The following COLGALT1 variants were observed in gnomAD, a reference collection of about 807,000 sequenced individuals.
The protein encoded by COLGALT1 is procollagen galactosyltransferase 1.
COLGALT1 carries 43 observed loss-of-function variants against 60.8 expected under a neutral mutation model. The ratio of observed to expected loss-of-function variants is 0.71; its 90% CI spans 0.55 to 0.91. COLGALT1 has a LOEUF of 0.91. Among genes scored for constraint, COLGALT1 ranks in the 40% least tolerant of loss-of-function variants. COLGALT1 has a pLI of 0.00. For synonymous variants in COLGALT1, 369 were observed against 374.2 expected (o/e 0.99, Z 0.16); for missense variants, 845 against 880.0 (o/e 0.96, Z 0.50).
chr19:17,561,136 C>T (rs1233394889), intron 3 of COLGALT1, among the ~76,000 whole-genome samples: 1 of 151,304 alleles, frequency 6.6e-6, no homozygotes, highest in Non-Finnish European at 1.5e-5. Context: ...ACCTAGGAGG[C>T]AGAGGTTGCA....
At chr19:17,575,667 CTG>C (rs1038559754) in intron 6 of COLGALT1, among the ~76,000 whole-genome samples, 5 of 151,930 alleles carry the variant, frequency 3.3e-5, no homozygotes, top group Non-Finnish European at 5.9e-5. Flanking sequence ...GCATGAACCA[CTG>C]TGCCCGGCCT....
In COLGALT1 at chr19:17,577,671, G is replaced by A. The variant is rs151173878; in HGVS notation, c.1133+204G>A. Among the ~76,000 whole-genome samples the A allele has an allele frequency of 4.6e-5, 7 of 152,292 alleles. No homozygotes were observed. The East Asian group carries it at 1.3e-3, about 29-fold the overall frequency. On this transcript the variant is annotated intron_variant, in intron 8 of 11. Transcript: ENST00000252599. ...CACAGTTGTAGACCATGGAAGGCAA[G>A]TGAGTCCTGACCCAGGGGAATGGGT...
Position 17,555,914 on chromosome 19 carries a change from G to A in COLGALT1, c.201G>A (p.Leu67=). 1 of 1,399,264 alleles carries A rather than the reference G, an allele frequency of 7.1e-7. No individual in the cohort carries two copies. Among genetic ancestry groups the A allele is most frequent in the Non-Finnish European group, 9.3e-7 (1 of 1,076,264 alleles). The allele number at this position is 1,399,264 out of a possible 1,614,324, so 86.7% of individuals were successfully genotyped here. A position where few individuals can be genotyped will look rare whatever the true frequency, so the allele number is the denominator to read the frequency against. ...ALLARNAAHA[L]PTTLGALERL... is the part of the protein sequence containing the mutation. Reference sequence around the variant, plus strand: ...TGGCGCGAAACGCGGCCCACGCGTTGCCCACCACGCTGGGCGCACTCGAGC... The same window carrying A: ...TGGCGCGAAACGCGGCCCACGCGTTACCCACCACGCTGGGCGCACTCGAGC... Residue 67 remains leucine, a synonymous_variant, in exon 1 of 12, where the codon TTG becomes TTA. Transcript: ENST00000252599.
Position 17,577,286 on chromosome 19 carries a change from C to A in COLGALT1, c.1026+15C>A. ...GCTTCGACGAGGTGAGCTGGGCCTTCCCTGGAGGCGGGGCGGGGGCTGGAG... is the reference window on the plus strand; with the variant it reads ...GCTTCGACGAGGTGAGCTGGGCCTTACCTGGAGGCGGGGCGGGGGCTGGAG... On this transcript the variant is annotated intron_variant, in intron 7 of 11. Coordinates refer to ENST00000252599, the MANE Select transcript of COLGALT1 (RefSeq NM_024656.4). The A allele has an allele frequency of 6.2e-7, 1 of 1,612,274 alleles. No homozygotes were observed. The highest frequency in any genetic ancestry group is 2.2e-5 in the East Asian group (1 of 44,808).
rs548933539 is a variant in COLGALT1, at chr19:17,568,738, C to T, written c.829+25C>T. The T allele has an allele frequency of 1.2e-4, 198 of 1,611,230 alleles. 1 individual carries two copies. The East Asian group carries it at 3.4e-3, about 28-fold the overall frequency. On this transcript the variant is annotated intron_variant, in intron 5 of 11. Transcript: ENST00000252599. ...GGTACGTACATGAGGGGTCTGCCATCGCAGGGGCATCTGCCTGGTTCTTTG... is the reference window on the plus strand; with the variant it reads ...GGTACGTACATGAGGGGTCTGCCATTGCAGGGGCATCTGCCTGGTTCTTTG...
chr19:17,556,515 A>C, intron 1 of COLGALT1: 5 of 985,684 alleles, frequency 5.1e-6, no homozygotes, highest in Non-Finnish European at 6.0e-6. Context: ...GTCCAGGACC[A>C]GATGGCCCAG....
chr19:17,560,690 C>G (rs755641087), intron 3 of COLGALT1, among the ~76,000 whole-genome samples: 7 of 151,966 alleles, frequency 4.6e-5, no homozygotes, highest in Non-Finnish European at 1.0e-4. Context: ...CTTTTCTGTC[C>G]CCAGTTGTCC....
At chr19:17,577,110 A>G (rs1804144309) in intron 6 of COLGALT1, 85 bp from the exon 7 acceptor site, 2 of 1,356,374 alleles carry the variant, frequency 1.5e-6, no homozygotes, top group Non-Finnish European at 2.1e-6. Flanking sequence ...TCTGACTGGG[A>G]GCCATGGAGT....
At chr19:17,559,480 C>T (rs1042077515) in intron 2 of COLGALT1, 59 bp downstream of exon 2, 19 of 1,308,120 alleles carry the variant, frequency 1.5e-5, no homozygotes, top group Non-Finnish European at 1.8e-5. Flanking sequence ...CACACACCCT[C>T]TATGGCTCCC....
At chr19:17,568,756 G>A in intron 5 of COLGALT1, 43 bp downstream of exon 5, 1 of 1,602,802 alleles carries the variant, frequency 6.2e-7, no homozygotes, top group African/African-American at 1.3e-5. Flanking sequence ...CATCTGCCTG[G>A]TTCTTTGGGT....
intron 4 of COLGALT1, among the ~76,000 whole-genome samples, 182 bp downstream of exon 4, chr19:17,567,722 T>C (rs1372035026): frequency 2.0e-5 from 3 of 151,766 alleles, no homozygotes; most frequent in Admixed American, 2.0e-4. Flanking sequence ...GCGGGTTGCC[T>C]GAGCTCAGGA....
intron 9 of COLGALT1, 63 bp downstream of exon 9, chr19:17,578,152 G>C (rs774999477): frequency 4.1e-6 from 6 of 1,469,220 alleles, no homozygotes; most frequent in Admixed American, 4.3e-5. Flanking sequence ...AGATTTGGAC[G>C]GGAAAGGGGT....
In COLGALT1 at chr19:17,561,953, C is replaced by G. The variant is rs2076252240; in HGVS notation, c.489+1488C>G. On this transcript the variant is annotated intron_variant, in intron 3 of 11. Coordinates refer to ENST00000252599, the MANE Select transcript of COLGALT1 (RefSeq NM_024656.4). ...TGGCACAATCTCGGCTCACTGCAGC[C>G]TCCTCCTCCTGGGTTCAAGCAATTC... 3.3e-5 allele frequency among the ~76,000 whole-genome samples: 5 copies of G among 152,154 alleles called. No individual in the cohort carries two copies. The South Asian group carries it at 1.0e-3, about 32-fold the overall frequency.
chr19:17,567,413 A>T lies in COLGALT1; in HGVS notation c.497A>T (p.Asp166Val). The T allele has an allele frequency of 5.0e-6, 8 of 1,613,710 alleles. No homozygotes were observed. Among genetic ancestry groups the T allele is most frequent in the Non-Finnish European group, 6.8e-6 (8 of 1,179,760 alleles). Reference sequence around the variant, plus strand: ...TTGTGGGGTGTTCTGCAGTTTGTAGATGCGGACAACCTGATCCTCAACCCT... The same window carrying T: ...TTGTGGGGTGTTCTGCAGTTTGTAGTTGCGGACAACCTGATCCTCAACCCT... ...DMWADYILFV[D>V]ADNLILNPDT... The change falls in exon 4 of 12, where the codon GAT becomes GTT. Residue 166 changes from aspartate to valine, a missense_variant. By Grantham distance (152) the Asp-to-Val change is radical (BLOSUM62 -3). Coordinates refer to ENST00000252599, the MANE Select transcript of COLGALT1 (RefSeq NM_024656.4).
chr19:17,560,285 T>G, intron 2 of COLGALT1, 63 bp from the exon 3 acceptor site: 1 of 1,386,976 alleles, frequency 7.2e-7, no homozygotes, highest in Admixed American at 1.7e-5. Context: ...CGAAGGCAGC[T>G]CAGGCCCTCG....
chr19:17,567,490 C>G lies in COLGALT1; in HGVS notation c.574C>G (p.Leu192Val). The G allele has an allele frequency of 6.2e-7, 1 of 1,614,026 alleles. No homozygotes were observed. Reference sequence around the variant, plus strand: ...GAACAAGACGGTGGTCGCCCCCATGCTGGATTCCCGGGCTGCGTACTCCAA... The same window carrying G: ...GAACAAGACGGTGGTCGCCCCCATGGTGGATTCCCGGGCTGCGTACTCCAA... ...AENKTVVAPM[L>V]DSRAAYSNFW... Residue 192 changes from leucine (L) to valine (V), a missense_variant, in exon 4 of 12, where the codon CTG (leucine) becomes GTG (valine). Transcript: ENST00000252599.
chr19:17,557,042 T>C (rs947094646), intron 1 of COLGALT1, among the ~76,000 whole-genome samples: 6 of 152,252 alleles, frequency 3.9e-5, no homozygotes, highest in Non-Finnish European at 5.9e-5. Flanking sequence ...AGTGATTTTA[T>C]TATCATGATT....
rs149223760 is a variant in COLGALT1 at position 17,580,743 on chromosome 19, C to T, written c.1439C>T (p.Ala480Val). 2.6e-5 allele frequency: 42 copies of T among 1,613,952 alleles called. No homozygotes were observed. Among genetic ancestry groups the T allele is most frequent in the Non-Finnish European group, 3.5e-5 (41 of 1,180,028 alleles). Residue 480 changes from alanine (A) to valine (V), a missense_variant, in exon 11 of 12, where the codon GCT (alanine) becomes GTT (valine). Transcript: ENST00000252599. ...KRMQVEHPEK[A>V]VPRVRNLVEA... ...ATGCAGGTGGAGCACCCCGAGAAGGCTGTGCCTCGCGTGAGGAACCTGGTG... is the reference window on the plus strand; with the variant it reads ...ATGCAGGTGGAGCACCCCGAGAAGGTTGTGCCTCGCGTGAGGAACCTGGTG...
In COLGALT1 at chr19:17,581,297, A is replaced by G. The variant is rs2076380536; in HGVS notation, c.1722A>G (p.Ser574=). Residue 574 remains serine, a synonymous_variant, in exon 12 of 12, where the codon TCA becomes TCG. Coordinates refer to ENST00000252599, the MANE Select transcript of COLGALT1 (RefSeq NM_024656.4). ...DDGYVSDTET[S]VVWNNEHVKT... ...GCTATGTGAGTGACACCGAGACCTC[A>G]GTCGTATGGAACAATGAGCACGTCA... 5.6e-6 allele frequency: 9 copies of G among 1,613,106 alleles called. No individual in the cohort carries two copies. The highest frequency in any genetic ancestry group is 7.6e-6 in the Non-Finnish European group (9 of 1,179,966).
Sources: gnomAD v4.1 joint callset for allele counts (sites outside exome capture counted in the v4.1 genomes callset) on GRCh38, gnomAD v4.1.1 for gene constraint, MANE v1.5 for transcripts, NCBI Gene and HGNC (gene_info 2026-07-23, HGNC 2026-07-21) for gene names.